GSG1L: variants seen among roughly 807,000 people sequenced by gnomAD.
GSG1L encodes the protein germ cell-specific gene 1-like protein.
A neutral mutation model predicts 42.1 loss-of-function variants in GSG1L; 24 were observed. That is an observed-to-expected ratio of 0.57 (90% CI 0.41 to 0.80). GSG1L has a LOEUF of 0.80. Among genes scored for constraint, GSG1L ranks in the 30% least tolerant of loss-of-function variants. The probability of loss-of-function intolerance (pLI) is 0.00; values close to 1 mark genes in which losing one functional copy is unlikely to be tolerated. For missense variants in GSG1L, 445 were observed against 472.2 expected, an observed-to-expected ratio of 0.94 and a Z score of 0.53; for synonymous variants, 215 against 203.5, an observed-to-expected ratio of 1.06 and a Z score of -0.48.
intron 5 of GSG1L, among the ~76,000 whole-genome samples, chr16:27,827,022 C>T (rs1247203253): frequency 6.6e-6 from 1 of 152,152 alleles, no homozygotes; most frequent in Admixed American, 6.5e-5. Context: ...GACCTGGGGC[C>T]CAACTCCCCT....
At chr16:27,928,996 G>C (rs997689697) in intron 2 of GSG1L, among the ~76,000 whole-genome samples, 1 of 152,222 alleles carries the variant, frequency 6.6e-6, no homozygotes, top group Non-Finnish European at 1.5e-5. Context: ...CTGGTCACAT[G>C]TAAGTATCTC....
intron 3 of GSG1L, among the ~76,000 whole-genome samples, chr16:27,862,342 G>T (rs569204847): frequency 1.3e-4 from 20 of 152,256 alleles, no homozygotes; most frequent in African/African-American, 4.1e-4. Context: ...AGCCCTGAAA[G>T]AAACCAAAAG....
intron 4 of GSG1L, among the ~76,000 whole-genome samples, chr16:27,839,313 T>C (rs1487348483): frequency 6.6e-6 from 1 of 152,228 alleles, no homozygotes; most frequent in Non-Finnish European, 1.5e-5. Context: ...ATAACTTCTC[T>C]GGGCCCTCCA....
intron 5 of GSG1L, chr16:27,823,711 G>A: frequency 4.9e-6 from 3 of 608,682 alleles, no homozygotes; most frequent in Non-Finnish European, 8.9e-6. Context: ...CTCCTGCGAT[G>A]AACTCCTCAG....
At chr16:27,865,548 TATATATATATATATATATATATATAC>T (rs1258077208) in intron 3 of GSG1L, among the ~76,000 whole-genome samples, 330 of 21,570 alleles carry the variant, frequency 0.015, 34 homozygotes, top group African/African-American at 0.077. Context: ...TATATATATA[TATATATATATATATATATATATATAC>T]ACACACACAT....
At chr16:27,817,457 G>A (rs2083108558) in intron 5 of GSG1L, among the ~76,000 whole-genome samples, 1 of 152,160 alleles carries the variant, frequency 6.6e-6, no homozygotes, top group Admixed American at 6.5e-5. Flanking sequence ...GCAACTATCT[G>A]TAATAAAGGA....
chr16:27,996,423 T>G (rs2085514593), intron 1 of GSG1L, among the ~76,000 whole-genome samples: 1 of 139,810 alleles, frequency 7.2e-6, no homozygotes, highest in Non-Finnish European at 1.5e-5. Flanking sequence ...GGCAAAGGAC[T>G]GGAAATAACC....
intron 2 of GSG1L, among the ~76,000 whole-genome samples, chr16:27,908,004 G>C (rs1436457979): frequency 1.3e-5 from 2 of 151,904 alleles, no homozygotes; most frequent in Admixed American, 6.6e-5. Flanking sequence ...TGCAAGCATG[G>C]TCCCAAATTA....
chr16:27,903,788 C>T (rs548924864), intron 2 of GSG1L, among the ~76,000 whole-genome samples: 5 of 152,022 alleles, frequency 3.3e-5, no homozygotes, highest in Non-Finnish European at 7.4e-5. Flanking sequence ...CCCAGGAAGT[C>T]CCCCAGTCAA....
intron 2 of GSG1L, among the ~76,000 whole-genome samples, chr16:27,933,092 C>A (rs1307439676): frequency 6.6e-6 from 1 of 151,602 alleles, no homozygotes; most frequent in Non-Finnish European, 1.5e-5. Context: ...AAAGGGGGCA[C>A]CTTTGTAAAA....
At chr16:28,012,481 A>G (rs538998058) in intron 1 of GSG1L, among the ~76,000 whole-genome samples, 135 of 152,246 alleles carry the variant, frequency 8.9e-4, no homozygotes, top group African/African-American at 3.1e-3. Context: ...CAGAATGTCT[A>G]TTGGGCCAGG....
At chr16:27,800,054 CT>C (rs1175050808) in intron 6 of GSG1L, among the ~76,000 whole-genome samples, 1 of 152,158 alleles carries the variant, frequency 6.6e-6, no homozygotes, top group Non-Finnish European at 1.5e-5. Context: ...CTTTAACGAG[CT>C]CTCCATGTGT....
chr16:27,947,540 G>GAAAGAAA (rs2084893028), intron 2 of GSG1L, among the ~76,000 whole-genome samples: 5 of 97,098 alleles, frequency 5.1e-5, no homozygotes, highest in Admixed American at 1.1e-4. Context: ...AAAGAATGAA[G>GAAAGAAA]GAAAGAAAGA....
intron 1 of GSG1L, among the ~76,000 whole-genome samples, chr16:27,991,413 GT>G (rs34512256): frequency 1.2e-4 from 17 of 146,186 alleles, no homozygotes; most frequent in Admixed American, 5.5e-4. Context: ...TTTTTTGTTT[GT>G]TTTTTTTTTG....
rs970307947 is a variant in GSG1L, at chr16:28,025,810, G to A, written c.349+37266C>T. On this transcript the variant is annotated intron_variant, in intron 1 of 6. Transcript: ENST00000447459. Reference sequence around the variant, plus strand: ...GACAGAAGAGGGCTGACAGTTGGGCGTGATGCTCCTGTCATCCTGATGGCC... The same window carrying A: ...GACAGAAGAGGGCTGACAGTTGGGCATGATGCTCCTGTCATCCTGATGGCC... Among the ~76,000 whole-genome samples, 10 of 152,346 alleles carry A rather than the reference G, an allele frequency of 6.6e-5. 1 individual carries two copies. The highest frequency in any genetic ancestry group is 4.1e-4 in the South Asian group (2 of 4,832).
At chr16:27,904,588 C>T (rs1340073337) in intron 2 of GSG1L, among the ~76,000 whole-genome samples, 1 of 152,104 alleles carries the variant, frequency 6.6e-6, no homozygotes, top group Non-Finnish European at 1.5e-5. Context: ...TCCCATCATA[C>T]TCAAAGTGAA....
intron 1 of GSG1L, among the ~76,000 whole-genome samples, chr16:28,046,186 A>G (rs1018235663): frequency 1.1e-4 from 17 of 152,078 alleles, no homozygotes; most frequent in Admixed American, 7.2e-4. Flanking sequence ...ATGCCAAAAA[A>G]CATGGACAGC....
chr16:27,883,132 AAAAAAAAG>A (rs1423220977), intron 3 of GSG1L, among the ~76,000 whole-genome samples: 4 of 88,924 alleles, frequency 4.5e-5, no homozygotes, highest in Admixed American at 3.1e-4. Flanking sequence ...AAAAAAAAAA[AAAAAAAAG>A]AGAGAGAGAG....
intron 3 of GSG1L, among the ~76,000 whole-genome samples, chr16:27,847,634 G>A (rs560715729): frequency 3.3e-4 from 50 of 151,956 alleles, no homozygotes; most frequent in African/African-American, 1.0e-3. Flanking sequence ...ATCTCTCACC[G>A]AATTGTAATC....
Sources: gnomAD v4.1 joint callset for allele counts (sites outside exome capture counted in the v4.1 genomes callset) on GRCh38, gnomAD v4.1.1 for gene constraint, MANE v1.5 for transcripts, NCBI Gene and HGNC (gene_info 2026-07-23, HGNC 2026-07-21) for gene names.